UBR1: variants seen among roughly 807,000 people sequenced by gnomAD.
The protein encoded by UBR1 is ubiquitin protein ligase E3 component n-recognin 1, also known as E3 ubiquitin-protein ligase UBR1.
In UBR1, 102 loss-of-function variants were observed where a neutral mutation model predicts 242.1. That is an observed-to-expected ratio of 0.42 (90% CI 0.36 to 0.50). The LOEUF (loss-of-function observed/expected upper bound fraction) is 0.50, where lower values mean the gene tolerates loss of function less well. Among genes scored for constraint, UBR1 ranks in the 20% least tolerant of loss-of-function variants. The pLI, the probability that UBR1 is intolerant of heterozygous loss-of-function variation, is 0.01. For synonymous variants in UBR1, 675 were observed against 684.8 expected (o/e 0.99, Z 0.22); for missense variants, 1,772 against 2,101.8 (o/e 0.84, Z 3.07).
At chr15:43,003,965 G>T in intron 30 of UBR1, 35 bp from the exon 31 acceptor site, 2 of 1,592,288 alleles carry the variant, frequency 1.3e-6, no homozygotes. Flanking sequence ...GAAAAAGAGA[G>T]ACAGGTTATC....
intron 3 of UBR1, among the ~76,000 whole-genome samples, chr15:43,079,768 C>T (rs1195467492): frequency 6.6e-6 from 1 of 151,612 alleles, no homozygotes; most frequent in Non-Finnish European, 1.5e-5. Context: ...GGCGACAAAG[C>T]GAGACTCCGT....
chr15:43,007,430 T>TC (rs1456650201), intron 29 of UBR1, 146 bp from the exon 30 acceptor site: 1 of 788,262 alleles, frequency 1.3e-6, no homozygotes, highest in Admixed American at 2.4e-5. Context: ...GTTAAAAGCT[T>TC]CCCCCTTTCC....
At chr15:43,014,636 C>T (rs1156351757) in intron 29 of UBR1, among the ~76,000 whole-genome samples, 7 of 150,738 alleles carry the variant, frequency 4.6e-5, no homozygotes, top group Admixed American at 6.6e-5. Flanking sequence ...GGAGACCCTC[C>T]GCCTGGCAGC....
chr15:42,953,383 G>A (rs959305826), intron 44 of UBR1, among the ~76,000 whole-genome samples: 14 of 152,190 alleles, frequency 9.2e-5, no homozygotes, highest in Middle Eastern at 3.4e-3. Flanking sequence ...CACTGGGGTC[G>A]GAATAAAGAA....
chr15:43,021,952 C>A (rs1318689277), intron 26 of UBR1, among the ~76,000 whole-genome samples: 3 of 152,146 alleles, frequency 2.0e-5, no homozygotes, highest in Non-Finnish European at 4.4e-5. Flanking sequence ...TCTCTTACAT[C>A]TTTTACTGGC....
chr15:43,102,436 T>C (rs2034248741), intron 1 of UBR1, among the ~76,000 whole-genome samples: 2 of 152,128 alleles, frequency 1.3e-5, no homozygotes, highest in African/African-American at 2.4e-5. Flanking sequence ...AGATATAAAT[T>C]TGGGAACTGA....
intron 4 of UBR1, among the ~76,000 whole-genome samples, chr15:43,074,277 C>T (rs189566974): frequency 2.4e-4 from 36 of 152,242 alleles, no homozygotes; most frequent in African/African-American, 8.7e-4. Context: ...TTCTTTATTT[C>T]CTTGACTGGG....
chr15:43,036,989 A>C (rs1343475858), intron 17 of UBR1, among the ~76,000 whole-genome samples: 1 of 151,524 alleles, frequency 6.6e-6, no homozygotes, highest in African/African-American at 2.4e-5. Flanking sequence ...TTTGTTACAG[A>C]GGTAAACGCA....
At chr15:42,986,255 A>G (rs1314006961) in intron 35 of UBR1, among the ~76,000 whole-genome samples, 2 of 152,172 alleles carry the variant, frequency 1.3e-5, no homozygotes, top group African/African-American at 4.8e-5. Context: ...GACTGAGATA[A>G]GTTAGTTGTT....
At chr15:43,067,095 G>A (rs970819868) in intron 6 of UBR1, among the ~76,000 whole-genome samples, 1 of 152,158 alleles carries the variant, frequency 6.6e-6, no homozygotes, top group African/African-American at 2.4e-5. Flanking sequence ...ATAATAATAT[G>A]AGTATCAGTC....
intron 40 of UBR1, 59 bp from the exon 41 acceptor site, chr15:42,966,345 T>C (rs2032105855): frequency 6.3e-7 from 1 of 1,593,296 alleles, no homozygotes; most frequent in South Asian, 1.1e-5. Context: ...GCCCTAGATT[T>C]AAACATATCC....
intron 39 of UBR1, among the ~76,000 whole-genome samples, chr15:42,971,965 C>T (rs1164467537): frequency 6.6e-6 from 1 of 152,200 alleles, no homozygotes; most frequent in African/African-American, 2.4e-5. Flanking sequence ...CACCTATCAA[C>T]ATTTGGCACC....
intron 6 of UBR1, among the ~76,000 whole-genome samples, chr15:43,067,080 T>C (rs1210519940): frequency 6.6e-6 from 1 of 152,234 alleles, no homozygotes; most frequent in Non-Finnish European, 1.5e-5. Context: ...GTTTATGAAA[T>C]AGAGATAATA....
chr15:43,058,987 A>T, intron 9 of UBR1, 98 bp downstream of exon 9: 2 of 937,678 alleles, frequency 2.1e-6, no homozygotes, highest in Non-Finnish European at 3.4e-6. Flanking sequence ...TTACAGATTT[A>T]ATAACTAATT....
In UBR1 at chr15:42,943,726, G is replaced by C. The variant is rs781308178; in HGVS notation, c.*1603C>G. 13 of 152,280 alleles carry C rather than the reference G, an allele frequency of 8.5e-5. No homozygotes were observed. Among genetic ancestry groups the C allele is most frequent in the Admixed American group, 1.3e-4 (2 of 15,298 alleles). The allele number at this position is 152,280 out of a possible 1,614,324, so 9.4% of individuals were successfully genotyped here. On this transcript the variant is annotated 3_prime_UTR_variant, in exon 47 of 47. Coordinates refer to ENST00000290650, the MANE Select transcript of UBR1 (RefSeq NM_174916.3). ...AATTATATAAGAAACAAACACACAT[G>C]TTCAAATACTTTCATCATTCTGGCA...
At chr15:43,020,738 C>T (rs1310099980) in intron 27 of UBR1, among the ~76,000 whole-genome samples, 1 of 152,214 alleles carries the variant, frequency 6.6e-6, no homozygotes, top group Non-Finnish European at 1.5e-5. Context: ...TATGTTCCAG[C>T]CATACTGACC....
chr15:43,054,972 T>A (rs1596121748), intron 11 of UBR1, 73 bp from the exon 12 acceptor site: 2 of 1,525,560 alleles, frequency 1.3e-6, no homozygotes, highest in East Asian at 4.5e-5. Flanking sequence ...TTCATTCATT[T>A]GGTTAGTCAG....
chr15:43,047,581 T>G (rs1024532625), intron 13 of UBR1, among the ~76,000 whole-genome samples: 1 of 152,188 alleles, frequency 6.6e-6, no homozygotes, highest in Non-Finnish European at 1.5e-5. Context: ...TTCTTGTCAA[T>G]TGATAAGGGC....
intron 31 of UBR1, 27 bp downstream of exon 31, chr15:43,003,810 C>T (rs1567121605): frequency 6.2e-7 from 1 of 1,610,384 alleles, no homozygotes; most frequent in Non-Finnish European, 8.5e-7. Flanking sequence ...TAGTCTCTTT[C>T]AAGAACATGT....
Sources: allele counts gnomAD v4.1 joint callset (sites outside exome capture counted in the v4.1 genomes callset), GRCh38; gene constraint gnomAD v4.1.1; transcripts MANE v1.5; gene names NCBI Gene and HGNC (gene_info 2026-07-23, HGNC 2026-07-21).